Variants in HGF observed in about 807,000 individuals in gnomAD.
HGF encodes hepatocyte growth factor.
In HGF, 39 loss-of-function variants were observed where a neutral mutation model predicts 111.6. The observed-to-expected ratio is 0.35, with a 90% confidence interval of 0.27 to 0.46. HGF has a LOEUF of 0.46. Ranked by LOEUF, HGF falls within the 20% of genes least tolerant of loss-of-function variation. HGF has a pLI of 1.00. For synonymous variants in HGF, 285 were observed against 294.8 expected, an observed-to-expected ratio of 0.97 and a Z score of 0.34; for missense variants, 735 against 910.5, an observed-to-expected ratio of 0.81 and a Z score of 2.48.
chr7:81,714,182 T>G (rs772514213), intron 11 of HGF, among the ~76,000 whole-genome samples: 2 of 152,172 alleles, frequency 1.3e-5, no homozygotes, highest in African/African-American at 2.4e-5. Context: ...TTATATATTG[T>G]TAATATATAC....
chr7:81,756,240 C>T, intron 4 of HGF: 1 of 565,240 alleles, frequency 1.8e-6, no homozygotes, highest in South Asian at 2.3e-5. Context: ...TCAGTTTTGT[C>T]ATGTAGGTAA....
intron 1 of HGF, among the ~76,000 whole-genome samples, chr7:81,765,510 C>A (rs114599162): frequency 1.3e-5 from 2 of 152,002 alleles, no homozygotes; most frequent in African/African-American, 4.8e-5. Flanking sequence ...ACAAAGCTAT[C>A]AGGGGCAATC....
chr7:81,758,178 A>G (rs1788875850), intron 3 of HGF, among the ~76,000 whole-genome samples: 1 of 152,054 alleles, frequency 6.6e-6, no homozygotes, highest in Non-Finnish European at 1.5e-5. Flanking sequence ...AGCAAATAAT[A>G]TGGTCTCAAT....
intron 7 of HGF, among the ~76,000 whole-genome samples, chr7:81,738,027 T>C (rs1238315822): frequency 6.6e-6 from 1 of 151,978 alleles, no homozygotes; most frequent in African/African-American, 2.4e-5. Flanking sequence ...AGCTAAATGA[T>C]GAGAACACAT....
intron 2 of HGF, among the ~76,000 whole-genome samples, chr7:81,759,667 G>A (rs1017332439): frequency 9.2e-5 from 14 of 151,896 alleles, no homozygotes. Context: ...ACCACGCCTC[G>A]CTAATTTTTT....
chr7:81,710,554 C>T (rs1789547035), intron 12 of HGF, among the ~76,000 whole-genome samples: 1 of 152,090 alleles, frequency 6.6e-6, no homozygotes, highest in African/African-American at 2.4e-5. Context: ...TAATCCCTCA[C>T]CACCCTCAAC....
rs757186641 is a variant in HGF at position 81,729,640 on chromosome 7, G to T, written c.1005C>A (p.His335Gln). 1 of 1,613,798 alleles carries T rather than the reference G, an allele frequency of 6.2e-7. No homozygotes were observed. The highest frequency in any genetic ancestry group is 8.5e-7 in the Non-Finnish European group (1 of 1,179,796). ...PCQRWDSQYPHEHDMTPENFK... is the reference protein window; with the variant it reads ...PCQRWDSQYPQEHDMTPENFK... ...AATTTTCAGGAGTCATGTCATGCTC[G>T]TGAGGATACTGAGAATCCCAACGCT... Residue 335 changes from histidine to glutamine, a missense_variant, in exon 8 of 18, where the codon CAC (histidine) becomes CAA (glutamine). By Grantham distance (24) the His-to-Gln change is conservative. This residue lies in a region of HGF where 553 missense variants were observed against 685.6 expected (regional missense o/e 0.81). Transcript: ENST00000222390.
chr7:81,702,332 A>G lies in HGF; in HGVS notation c.*249T>C. On this transcript the variant is annotated 3_prime_UTR_variant, in exon 18 of 18. Coordinates refer to ENST00000222390, the MANE Select transcript of HGF (RefSeq NM_000601.6). ...ATATACCTGTGTGTTTTTTTAATCCATTCAAGTATCTTCAGGAGATATGTT... is the reference window on the plus strand; with the variant it reads ...ATATACCTGTGTGTTTTTTTAATCCGTTCAAGTATCTTCAGGAGATATGTT... 1 of 423,944 alleles carries G rather than the reference A, an allele frequency of 2.4e-6. No individual in the cohort carries two copies. The highest frequency in any genetic ancestry group is 4.3e-6 in the Non-Finnish European group (1 of 234,828). The allele number at this position is 423,944 out of a possible 1,614,324, so 26.3% of individuals were successfully genotyped here.
chr7:81,730,751 T>A (rs1476295687), intron 7 of HGF, among the ~76,000 whole-genome samples: 1 of 152,186 alleles, frequency 6.6e-6, no homozygotes, highest in African/African-American at 2.4e-5. Context: ...AATTCATATA[T>A]CTTCTTAAAA....
intron 4 of HGF, chr7:81,756,831 A>G (rs1486973029): frequency 1.4e-5 from 4 of 288,650 alleles, no homozygotes; most frequent in Non-Finnish European, 2.6e-5. Flanking sequence ...GCCCTCAGTA[A>G]GATTCTCATC....
chr7:81,765,362 A>G (rs1386199094), intron 1 of HGF, among the ~76,000 whole-genome samples: 2 of 152,146 alleles, frequency 1.3e-5, no homozygotes, highest in African/African-American at 4.8e-5. Context: ...CCTCACAAAA[A>G]CAGTCTACCC....
intron 8 of HGF, among the ~76,000 whole-genome samples, chr7:81,727,732 C>T (rs894768288): frequency 3.3e-5 from 5 of 152,086 alleles, no homozygotes; most frequent in African/African-American, 9.7e-5. Flanking sequence ...GCCATCCTCC[C>T]GTCTCATCCT....
Position 81,769,853 on chromosome 7 carries a change from A to G in HGF, c.88+31T>C, listed in dbSNP as rs765592955. On this transcript the variant is annotated intron_variant, in intron 1 of 17. Coordinates refer to ENST00000222390, the MANE Select transcript of HGF (RefSeq NM_000601.6). ...GTTAGCAGGAGAGTTAAATACTAAT[A>G]CTAATAATGAAGAAGAAGAAGGGAA... The G allele has an allele frequency of 9.6e-6, 14 of 1,464,384 alleles. No homozygotes were observed. In the African/African-American group the frequency reaches 9.8e-5, roughly 10 times the overall value. 90.7% of individuals were successfully genotyped at this position (1,464,384 alleles called of 1,614,324 possible). A position where few individuals can be genotyped will look rare whatever the true frequency, so the allele number is the denominator to read the frequency against.
rs1789397783 is a variant in HGF at position 81,705,498 on chromosome 7, G to C, written c.1902C>G (p.Leu634=). The change falls in exon 17 of 18, where the codon CTC becomes CTG. Residue 634 remains leucine (L), a synonymous_variant. Coordinates refer to ENST00000222390, the MANE Select transcript of HGF (RefSeq NM_000601.6). The part of the protein sequence containing the change: ...NYDGLLRVAH[L]YIMGNEKCSQ... ...TGCATTTCTCATTTCCCATTATATA[G>C]AGATGTGCCACTCGTAATAGGCCAT... is the stretch of plus-strand genomic sequence containing the variant. 3 of 1,612,496 alleles carry C rather than the reference G, an allele frequency of 1.9e-6. No individual in the cohort carries two copies. The South Asian group carries it at 3.3e-5, about 18-fold the overall frequency.
chr7:81,752,824 G>A (rs1452788873), intron 4 of HGF, among the ~76,000 whole-genome samples: 1 of 152,056 alleles, frequency 6.6e-6, no homozygotes, highest in Non-Finnish European at 1.5e-5. Context: ...TGAGACCCCA[G>A]TAAGTAATTT....
Position 81,745,004 on chromosome 7 carries a change from C to T in HGF, c.742G>A (p.Glu248Lys), listed in dbSNP as rs2116042434. ...CATGATTCATTAATATTTTACCTTT[C>T]AGGCAAGAATTTGTGCCGGTGTGGT... ...QTPHRHKFLP[E>K]RYPDKGFDDN... is the part of the protein sequence containing the mutation. Residue 248 changes from glutamate (E) to lysine (K), a missense_variant, in exon 6 of 18, where the codon GAA becomes AAA. Transcript: ENST00000222390. The T allele has an allele frequency of 6.2e-7, 1 of 1,613,918 alleles. No homozygotes were observed. Among genetic ancestry groups the T allele is most frequent in the Non-Finnish European group, 8.5e-7 (1 of 1,179,928 alleles).
At chr7:81,743,526 C>T in intron 6 of HGF, 55 bp from the exon 7 acceptor site, 1 of 1,057,600 alleles carries the variant, frequency 9.5e-7, no homozygotes, top group Non-Finnish European at 1.5e-6. Flanking sequence ...ACACCACCCA[C>T]CCCTCAGCTC....
In HGF at chr7:81,769,915, G is replaced by A. The variant is rs781631751; in HGVS notation, c.57C>T (p.Leu19=). The change falls in exon 1 of 18, where the codon CTC becomes CTT. Residue 19 remains leucine, a synonymous_variant. Transcript: ENST00000222390. ...ALLLQHVLLH[L]LLLPIAIPYA... ...AGGGGATGGCGATGGGGAGCAGGAG[G>A]AGATGCAGGAGGACATGCTGCAGCA... The A allele has an allele frequency of 1.0e-5, 16 of 1,569,286 alleles. No individual in the cohort carries two copies. The highest frequency in any genetic ancestry group is 9.5e-5 in the African/African-American group (7 of 73,958).
Position 81,769,989 on chromosome 7 carries a change from T to A in HGF, c.-18A>T. 1 of 1,545,434 alleles carries A rather than the reference T, an allele frequency of 6.5e-7. No individual in the cohort carries two copies. Among genetic ancestry groups the A allele is most frequent in the Non-Finnish European group, 8.8e-7 (1 of 1,142,270 alleles). ...ACCCACATGGTGCTGCTGGACGGGCTGGCGGATCCCTCTGGAGGAGATGCC... is the reference window on the plus strand; with the variant it reads ...ACCCACATGGTGCTGCTGGACGGGCAGGCGGATCCCTCTGGAGGAGATGCC... On this transcript the variant is annotated 5_prime_UTR_variant, in exon 1 of 18. Coordinates refer to ENST00000222390, the MANE Select transcript of HGF (RefSeq NM_000601.6).
Sources: allele counts gnomAD v4.1 joint callset (sites outside exome capture counted in the v4.1 genomes callset), GRCh38; gene constraint gnomAD v4.1.1; regional missense constraint gnomAD v4.1.1; transcripts MANE v1.5; gene names NCBI Gene and HGNC (gene_info 2026-07-23, HGNC 2026-07-21).